The following GATB variants were observed in gnomAD, a reference collection of about 807,000 sequenced individuals.
GATB encodes glutamyl-tRNA(Gln) amidotransferase subunit B, mitochondrial.
GATB carries 39 observed loss-of-function variants against 62.3 expected under a neutral mutation model. That is an observed-to-expected ratio of 0.63 (90% CI 0.48 to 0.82). The LOEUF (loss-of-function observed/expected upper bound fraction) is 0.82. GATB is among the 40% of genes least tolerant of loss of function. The pLI, the probability that GATB is intolerant of heterozygous loss-of-function variation, is 0.00. For missense variants in GATB, 670 were observed against 684.0 expected, an observed-to-expected ratio of 0.98 and a Z score of 0.23; for synonymous variants, 276 against 258.9, an observed-to-expected ratio of 1.07 and a Z score of -0.63.
At chr4:151,719,599 C>G (rs1053127165) in intron 2 of GATB, 61 bp from the exon 3 acceptor site, 18 of 1,132,340 alleles carry the variant, frequency 1.6e-5, no homozygotes, top group Non-Finnish European at 2.2e-5. Context: ...GCTTCTCCCA[C>G]ACACTGACAT....
intron 2 of GATB, chr4:151,722,005 A>C: frequency 1.7e-6 from 1 of 577,352 alleles, no homozygotes; most frequent in Non-Finnish European, 3.1e-6. Flanking sequence ...GCCATGAAGT[A>C]CTTCAAGGTC....
chr4:151,701,386 G>T lies in GATB; in HGVS notation c.1140C>A (p.Thr380=), dbSNP rs765638639. The part of the protein sequence containing the change: ...RETLPELPSV[T]REKLVQQYGM... Reference sequence around the variant, plus strand: ...CATACTGTTGGACAAGCTTCTCTCGGGTCACACTGGGGAGCTCCGGGAGTG... The same window carrying T: ...CATACTGTTGGACAAGCTTCTCTCGTGTCACACTGGGGAGCTCCGGGAGTG... The change falls in exon 9 of 13, where the codon ACC becomes ACA. Residue 380 remains threonine (T), a synonymous_variant. Coordinates refer to ENST00000263985, the MANE Select transcript of GATB (RefSeq NM_004564.3). 12 of 1,599,776 alleles carry T rather than the reference G, an allele frequency of 7.5e-6. No individual in the cohort carries two copies. The Admixed American group carries it at 2.1e-4, about 27-fold the overall frequency.
chr4:151,692,604 G>A (rs1008695233), intron 9 of GATB, among the ~76,000 whole-genome samples: 2 of 152,116 alleles, frequency 1.3e-5, no homozygotes, highest in Admixed American at 6.5e-5. Flanking sequence ...ACAGCTGCAC[G>A]CCCACTGCAC....
intron 7 of GATB, 32 bp downstream of exon 7, chr4:151,705,153 T>C: frequency 2.6e-6 from 4 of 1,525,414 alleles, no homozygotes; most frequent in Non-Finnish European, 3.6e-6. Flanking sequence ...CACCCCCGGC[T>C]GTGGTCAGGA....
In GATB at chr4:151,703,893, C is replaced by T. The variant is rs748771264; in HGVS notation, c.965G>A (p.Cys322Tyr). The T allele has an allele frequency of 3.7e-6, 6 of 1,604,652 alleles. No individual in the cohort carries two copies. The highest frequency in any genetic ancestry group is 5.1e-6 in the Non-Finnish European group (6 of 1,171,646). ...ETRSFHHKLG[C>Y]TMSMRDKEGK... ...TTCTTTGTCTCTCATTGACATGGTG[C>T]ACCTGCAATAGTTAAATAAGAAAAC... The change falls in exon 8 of 13, where the codon TGC becomes TAC. Residue 322 changes from cysteine to tyrosine, a missense_variant and splice_region_variant. Physicochemically the swap from Cys to Tyr is radical, Grantham distance 194. Transcript: ENST00000263985.
At chr4:151,693,540 T>C (rs569730340) in intron 9 of GATB, among the ~76,000 whole-genome samples, 1 of 152,130 alleles carries the variant, frequency 6.6e-6, no homozygotes, top group East Asian at 1.9e-4. Context: ...GCTAGAACAA[T>C]GCAGAACCTC....
At chr4:151,742,504 T>C (rs1739514014) in intron 2 of GATB, among the ~76,000 whole-genome samples, 1 of 152,214 alleles carries the variant, frequency 6.6e-6, no homozygotes, top group South Asian at 2.1e-4. Flanking sequence ...CTCCCTTCTA[T>C]AAGGTTTCAA....
chr4:151,755,919 T>G (rs188403277), intron 2 of GATB, among the ~76,000 whole-genome samples: 6 of 152,210 alleles, frequency 3.9e-5, no homozygotes, highest in African/African-American at 1.4e-4. Context: ...TGGAAATATA[T>G]AGTAGGACAC....
At chr4:151,706,774 C>T (rs1738723860) in intron 6 of GATB, among the ~76,000 whole-genome samples, 1 of 152,166 alleles carries the variant, frequency 6.6e-6, no homozygotes, top group African/African-American at 2.4e-5. Flanking sequence ...AAGACCAGGG[C>T]TCTATTAAAC....
intron 1 of GATB, among the ~76,000 whole-genome samples, chr4:151,760,165 CAT>C (rs968188444): frequency 2.0e-5 from 3 of 151,912 alleles, no homozygotes; most frequent in Non-Finnish European, 4.4e-5. Flanking sequence ...AGAAACTTGC[CAT>C]ATGTTTCTGT....
chr4:151,675,311 A>ATTAT lies in GATB; in HGVS notation c.1411-2416_1411-2415insATAA, dbSNP rs1248107815. 12 of 152,366 alleles carry ATTAT rather than the reference A, an allele frequency of 7.9e-5. No individual in the cohort carries two copies. In the East Asian group the frequency reaches 1.7e-3, roughly 22 times the overall value. 9.4% of individuals were successfully genotyped at this position (152,366 alleles called of 1,614,324 possible). ...GGTGGCTGAAATGTCCTTTCCTCCC[A>ATTAT]GAGTTAGAATACATAATGTTAGTTA... On this transcript the variant is annotated intron_variant, in intron 11 of 12. Coordinates refer to ENST00000263985, the MANE Select transcript of GATB (RefSeq NM_004564.3).
intron 5 of GATB, among the ~76,000 whole-genome samples, chr4:151,713,231 T>C (rs1738853130): frequency 6.6e-6 from 1 of 152,158 alleles, no homozygotes. Flanking sequence ...GTGAGTTGTA[T>C]AATTATTTCA....
intron 4 of GATB, 68 bp downstream of exon 4, chr4:151,716,808 G>A: frequency 3.4e-6 from 5 of 1,451,936 alleles, no homozygotes; most frequent in Non-Finnish European, 4.8e-6. Flanking sequence ...CTCTAGCGGT[G>A]AAAAGAGGGC....
intron 2 of GATB, among the ~76,000 whole-genome samples, chr4:151,757,104 A>C: frequency 6.6e-6 from 1 of 152,208 alleles, no homozygotes; most frequent in Non-Finnish European, 1.5e-5. Flanking sequence ...CTCTGCCCAA[A>C]AAAGATGTCA....
intron 2 of GATB, among the ~76,000 whole-genome samples, chr4:151,747,042 A>T (rs1439219644): frequency 1.3e-5 from 2 of 152,182 alleles, no homozygotes; most frequent in Admixed American, 6.5e-5. Flanking sequence ...TGTGATAAGG[A>T]CAGCAACTGC....
chr4:151,688,073 C>T (rs1738287455), intron 10 of GATB, among the ~76,000 whole-genome samples: 1 of 152,198 alleles, frequency 6.6e-6, no homozygotes, highest in Non-Finnish European at 1.5e-5. Flanking sequence ...CACCTGCCTG[C>T]CTCCGGCCCC....
At chr4:151,739,611 G>A (rs981122457) in intron 2 of GATB, among the ~76,000 whole-genome samples, 4 of 152,114 alleles carry the variant, frequency 2.6e-5, no homozygotes, top group African/African-American at 4.8e-5. Context: ...AAAGAATTCC[G>A]CAAGACTCAC....
At chr4:151,729,685 A>G (rs1348386167) in intron 2 of GATB, among the ~76,000 whole-genome samples, 1 of 152,184 alleles carries the variant, frequency 6.6e-6, no homozygotes, top group Non-Finnish European at 1.5e-5. Context: ...ACTTTTCTGT[A>G]AGTTTTAATT....
intron 1 of GATB, among the ~76,000 whole-genome samples, chr4:151,759,641 T>C (rs1428622920): frequency 6.6e-6 from 1 of 152,178 alleles, no homozygotes; most frequent in East Asian, 1.9e-4. Flanking sequence ...AAGAAGCTGT[T>C]AAATGCTATA....
Sources: gnomAD v4.1 joint callset for allele counts (sites outside exome capture counted in the v4.1 genomes callset) on GRCh38, gnomAD v4.1.1 for gene constraint, MANE v1.5 for transcripts, NCBI Gene and HGNC (gene_info 2026-07-23, HGNC 2026-07-21) for gene names.